TBC1D32: variants seen among roughly 807,000 people sequenced by gnomAD.
TBC1D32 encodes the protein TBC1 domain family member 32, also known as protein broad-minded.
TBC1D32 carries 151 observed loss-of-function variants against 170.3 expected under a neutral mutation model. The observed-to-expected ratio is 0.89, with a 90% CI of 0.78 to 1.01. TBC1D32 has a LOEUF of 1.01. TBC1D32 is among the 50% of genes least tolerant of loss of function. The probability of loss-of-function intolerance (pLI) is 0.00; values close to 1 mark genes in which losing one functional copy is unlikely to be tolerated. For missense variants in TBC1D32, 1,464 were observed against 1,457.1 expected (o/e 1.00, Z -0.08); for synonymous variants, 498 against 488.0 (o/e 1.02, Z -0.27).
At chr6:121,220,262 T>A (rs1794341116) in intron 21 of TBC1D32, among the ~76,000 whole-genome samples, 1 of 152,164 alleles carries the variant, frequency 6.6e-6, no homozygotes, top group African/African-American at 2.4e-5. Context: ...AAGAAAAAGT[T>A]CTTTAAGGAA....
chr6:121,080,756 C>T lies in TBC1D32; in HGVS notation c.*15G>A, dbSNP rs138950137. The T allele has an allele frequency of 5.2e-4, 833 of 1,598,250 alleles. 5 individuals are homozygous for T. The African/African-American group carries it at 9.9e-3, about 19-fold the overall frequency. On this transcript the variant is annotated 3_prime_UTR_variant, in exon 32 of 32. Coordinates refer to ENST00000398212, the MANE Select transcript of TBC1D32 (RefSeq NM_152730.6). ...AAATAAATAAAACCTAAATTTAAAC[C>T]GTGTGTCTCATGATCTATGTGCTCT...
rs757389009 is a variant in TBC1D32, at chr6:121,256,083, C to T, written c.1935+1G>A. On this transcript the variant is annotated splice_donor_variant, in intron 16 of 31. Transcript: ENST00000398212. LOFTEE classifies it high-confidence loss of function. Reference sequence around the variant, plus strand: ...AAAAAACGAAGCTTGAAAATACTTACCTTTTTCCATGCCTTTGCTATAGAT... The same window carrying T: ...AAAAAACGAAGCTTGAAAATACTTATCTTTTTCCATGCCTTTGCTATAGAT... 1 of 1,604,524 alleles carries T rather than the reference C, an allele frequency of 6.2e-7. No homozygotes were observed. The highest frequency in any genetic ancestry group is 1.7e-5 in the Admixed American group (1 of 57,452).
intron 30 of TBC1D32, among the ~76,000 whole-genome samples, chr6:121,101,702 A>G (rs948437772): frequency 1.1e-4 from 17 of 151,944 alleles, no homozygotes; most frequent in East Asian, 3.9e-4. Flanking sequence ...CTCTCTCACC[A>G]CTCCTATTCA....
At position 121,109,638 on chromosome 6, in the gene TBC1D32, A is replaced by T. The variant is rs566132110; in HGVS notation, c.3324+2867T>A. Among the ~76,000 whole-genome samples, 14 of 152,250 alleles carry T rather than the reference A, an allele frequency of 9.2e-5. 2 individuals are homozygous for T. In the South Asian group the frequency reaches 2.7e-3, roughly 29 times the overall value. ...AAAGAATAACTATTTCAACATTTACAAAGTTTTTTTCTTAGTAGCAAAGAA... is the reference window on the plus strand; with the variant it reads ...AAAGAATAACTATTTCAACATTTACTAAGTTTTTTTCTTAGTAGCAAAGAA... On this transcript the variant is annotated intron_variant, in intron 29 of 31. Coordinates refer to ENST00000398212, the MANE Select transcript of TBC1D32 (RefSeq NM_152730.6).
chr6:121,140,915 A>C (rs1782705119), intron 24 of TBC1D32, among the ~76,000 whole-genome samples: 1 of 152,180 alleles, frequency 6.6e-6, no homozygotes, highest in Admixed American at 6.5e-5. Flanking sequence ...ATATGAGTAA[A>C]AATTCCTAAA....
intron 5 of TBC1D32, 127 bp downstream of exon 5, chr6:121,307,849 T>A: frequency 1.9e-6 from 2 of 1,065,558 alleles, no homozygotes; most frequent in Non-Finnish European, 2.6e-6. Context: ...GCAAAAAGAG[T>A]GAAACTCGGT....
chr6:121,304,829 C>G lies in TBC1D32; in HGVS notation c.695G>C (p.Arg232Pro), dbSNP rs181574808. ...LSDPDPVFSD[R>P]ILKFCAQTFL... Reference sequence around the variant, plus strand: ...TGTCTGTGCACAGAATTTTAAAATCCGGTCCTACGGAAATGAGACAGAAAA... The same window carrying G: ...TGTCTGTGCACAGAATTTTAAAATCGGGTCCTACGGAAATGAGACAGAAAA... The change falls in exon 6 of 32, where the codon CGG (arginine) becomes CCG (proline). Residue 232 changes from arginine (R) to proline (P), a missense_variant. Around this residue, in one of 3 missense-constraint regions of TBC1D32, gnomAD observed 1,363 missense variants for 1,338.1 expected, o/e 1.02. Transcript: ENST00000398212. 1 of 1,605,164 alleles carries G rather than the reference C, an allele frequency of 6.2e-7. No homozygotes were observed. Among genetic ancestry groups the G allele is most frequent in the Admixed American group, 1.7e-5 (1 of 58,246 alleles).
intron 30 of TBC1D32, among the ~76,000 whole-genome samples, chr6:121,103,924 G>A (rs192260465): frequency 4.6e-5 from 7 of 151,812 alleles, no homozygotes; most frequent in Admixed American, 3.3e-4. Context: ...CCTCTGACTA[G>A]ACTTAAAAAA....
intron 26 of TBC1D32, among the ~76,000 whole-genome samples, chr6:121,125,898 A>T (rs979326919): frequency 2.0e-5 from 3 of 152,190 alleles, no homozygotes; most frequent in Admixed American, 2.0e-4. Context: ...ACACCGACCC[A>T]GACAAATGCA....
chr6:121,260,717 ACT>A (rs981836712), intron 15 of TBC1D32, among the ~76,000 whole-genome samples: 1 of 152,060 alleles, frequency 6.6e-6, no homozygotes, highest in African/African-American at 2.4e-5. Flanking sequence ...AGCCATGCAG[ACT>A]CTCAACAGCC....
chr6:121,112,785 AG>A, intron 28 of TBC1D32, 126 bp from the exon 29 acceptor site: 1 of 924,762 alleles, frequency 1.1e-6, no homozygotes, highest in Non-Finnish European at 1.5e-6. Flanking sequence ...TATGAAACTT[AG>A]TTTTTAAATA....
chr6:121,243,215 T>TA (rs1170366960), intron 17 of TBC1D32, among the ~76,000 whole-genome samples: 5 of 151,546 alleles, frequency 3.3e-5, no homozygotes, highest in South Asian at 2.1e-4. Context: ...CTCAAAAATG[T>TA]AAAAAAAACT....
chr6:121,098,978 C>T (rs1777722704), intron 30 of TBC1D32, among the ~76,000 whole-genome samples: 1 of 151,912 alleles, frequency 6.6e-6, no homozygotes, highest in Admixed American at 6.6e-5. Flanking sequence ...CCATGCCCAG[C>T]ATTCATATCC....
chr6:121,239,933 A>C (rs1450351818), intron 19 of TBC1D32, among the ~76,000 whole-genome samples: 1 of 152,120 alleles, frequency 6.6e-6, no homozygotes, highest in African/African-American at 2.4e-5. Flanking sequence ...TGGGCTCTAA[A>C]ATCAAGAATA....
At chr6:121,273,998 G>A (rs1285589225) in intron 15 of TBC1D32, among the ~76,000 whole-genome samples, 1 of 152,002 alleles carries the variant, frequency 6.6e-6, no homozygotes, top group Admixed American at 6.6e-5. Context: ...TTCACAAAGT[G>A]TTCTTTGCTC....
intron 12 of TBC1D32, among the ~76,000 whole-genome samples, chr6:121,286,766 C>T (rs1008980126): frequency 1.8e-4 from 28 of 152,160 alleles, no homozygotes; most frequent in Non-Finnish European, 3.4e-4. Context: ...GGTCGGGTTA[C>T]GCACAAAGGG....
At chr6:121,329,568 C>T (rs1008788027) in intron 1 of TBC1D32, among the ~76,000 whole-genome samples, 2 of 152,226 alleles carry the variant, frequency 1.3e-5, no homozygotes. Flanking sequence ...AAGAGAATCA[C>T]TTGAACCTGG....
chr6:121,157,894 T>G (rs1785112690), intron 24 of TBC1D32, among the ~76,000 whole-genome samples: 1 of 152,148 alleles, frequency 6.6e-6, no homozygotes, highest in Non-Finnish European at 1.5e-5. Flanking sequence ...TGAGGTTCCC[T>G]TTGTAGGTGA....
chr6:121,099,783 C>A (rs1226930382), intron 30 of TBC1D32, among the ~76,000 whole-genome samples: 1 of 151,716 alleles, frequency 6.6e-6, no homozygotes, highest in African/African-American at 2.4e-5. Context: ...TTTTACATTA[C>A]CTTAAAAGAA....
Sources: allele counts gnomAD v4.1 joint callset (sites outside exome capture counted in the v4.1 genomes callset), GRCh38; gene constraint gnomAD v4.1.1; regional missense constraint gnomAD v4.1.1; transcripts MANE v1.5; gene names NCBI Gene and HGNC (gene_info 2026-07-23, HGNC 2026-07-21).